BMPR2: variants seen among roughly 807,000 people sequenced by gnomAD.
BMPR2 encodes the protein bone morphogenetic protein receptor type-2.
A neutral mutation model predicts 100.8 loss-of-function variants in BMPR2; 29 were observed. The ratio of observed to expected loss-of-function variants is 0.29; its 90% CI spans 0.21 to 0.39. BMPR2 has a LOEUF of 0.39. Ranked by LOEUF, BMPR2 falls within the 10% of genes least tolerant of loss-of-function variation. The pLI is 1.00. For missense variants in BMPR2, 1,011 were observed against 1,274.5 expected (o/e 0.79, Z 3.15); for synonymous variants, 382 against 442.3 (o/e 0.86, Z 1.71).
At chr2:202,544,161 T>A (rs1273777684) in intron 10 of BMPR2, among the ~76,000 whole-genome samples, 1 of 151,970 alleles carries the variant, frequency 6.6e-6, no homozygotes. Flanking sequence ...CAAAAAAAAA[T>A]TTGAAAAGTC....
rs1474931763 is a variant in BMPR2 at position 202,564,829 on chromosome 2, G to C, written c.*4883G>C. On this transcript the variant is annotated 3_prime_UTR_variant, in exon 13 of 13. Transcript: ENST00000374580. The stretch of plus-strand genomic sequence containing the variant: ...TTGGGAGGCCGAGACGGTGGATCAC[G>C]AGGTCAGGGGACTGAGATCATCCTG... The C allele has an allele frequency of 4.6e-5, 7 of 152,148 alleles. No homozygotes were observed. Among genetic ancestry groups the C allele is most frequent in the Admixed American group, 3.9e-4 (6 of 15,268 alleles). The allele number at this position is 152,148 out of a possible 1,614,324, so 9.4% of individuals were successfully genotyped here.
intron 9 of BMPR2, among the ~76,000 whole-genome samples, chr2:202,534,749 C>A (rs1278890302): frequency 6.6e-6 from 1 of 151,728 alleles, no homozygotes; most frequent in Non-Finnish European, 1.5e-5. Flanking sequence ...CATTGTCATC[C>A]TGGCCCGTTC....
At chr2:202,538,049 G>A (rs1574497955) in intron 9 of BMPR2, among the ~76,000 whole-genome samples, 2 of 152,320 alleles carry the variant, frequency 1.3e-5, no homozygotes, top group Admixed American at 1.3e-4. Flanking sequence ...CTGAACCTGG[G>A]AGGCAGAGGT....
chr2:202,424,717 C>G (rs1017577327), intron 1 of BMPR2, among the ~76,000 whole-genome samples: 2 of 151,862 alleles, frequency 1.3e-5, no homozygotes, highest in Non-Finnish European at 2.9e-5. Context: ...TAAAAATAAG[C>G]TGTGGACCTA....
chr2:202,547,009 C>G (rs1455172629), intron 10 of BMPR2, among the ~76,000 whole-genome samples: 1 of 152,026 alleles, frequency 6.6e-6, no homozygotes, highest in Non-Finnish European at 1.5e-5. Flanking sequence ...CTCAAGCAAT[C>G]CTCCCACCTC....
chr2:202,434,007 G>A lies in BMPR2; in HGVS notation c.77-30802G>A, dbSNP rs1282610764. ...CAAGGAAAAAATTAACCTTGTTTGT[G>A]CCTTATTTGAAGGGGACAAATGATT... is the stretch of plus-strand genomic sequence containing the variant. On this transcript the variant is annotated intron_variant, in intron 1 of 12. Transcript: ENST00000374580. Among the ~76,000 whole-genome samples, 6 of 150,770 alleles carry A rather than the reference G, an allele frequency of 4.0e-5. No homozygotes were observed. The East Asian group carries it at 9.6e-4, about 24-fold the overall frequency.
At chr2:202,446,457 A>G (rs903337603) in intron 1 of BMPR2, among the ~76,000 whole-genome samples, 1 of 150,576 alleles carries the variant, frequency 6.6e-6, no homozygotes, top group Non-Finnish European at 1.5e-5. Context: ...TTAGATATGC[A>G]TAATAATTTT....
intron 1 of BMPR2, among the ~76,000 whole-genome samples, chr2:202,419,460 G>T (rs1315934922): frequency 6.6e-6 from 1 of 152,062 alleles, no homozygotes; most frequent in African/African-American, 2.4e-5. Context: ...AGGTTTAAGC[G>T]ATTCTCTTGC....
At chr2:202,377,908 A>G (rs1690186873) in intron 1 of BMPR2, among the ~76,000 whole-genome samples, 1 of 152,208 alleles carries the variant, frequency 6.6e-6, no homozygotes, top group African/African-American at 2.4e-5. Flanking sequence ...CTGGAAACAG[A>G]CCTGTAGATT....
In BMPR2 at chr2:202,377,548, C is replaced by G; in HGVS notation, c.74C>G (p.Ala25Gly). ...ACCATCCTGCTGGTCAGCACTGCGGCTGGTGAGTAGCTCCGGCCGGCACGT... is the reference window on the plus strand; with the variant it reads ...ACCATCCTGCTGGTCAGCACTGCGGGTGGTGAGTAGCTCCGGCCGGCACGT... ...PWTILLVSTA[A>G]ASQNQERLCA... The change falls in exon 1 of 13, where the codon GCT becomes GGT. Residue 25 changes from alanine (A) to glycine (G), a missense_variant and splice_region_variant. By Grantham distance (60) the Ala-to-Gly change is moderately conservative (BLOSUM62 0). Around this residue, in one of 6 missense-constraint regions of BMPR2, gnomAD observed 355 missense variants for 455.3 expected, o/e 0.78. Coordinates refer to ENST00000374580, the MANE Select transcript of BMPR2 (RefSeq NM_001204.7). 6.2e-7 allele frequency: 1 copy of G among 1,614,146 alleles called. No individual in the cohort carries two copies. Among genetic ancestry groups the G allele is most frequent in the Non-Finnish European group, 8.5e-7 (1 of 1,180,018 alleles).
At chr2:202,419,736 T>A (rs1198960188) in intron 1 of BMPR2, among the ~76,000 whole-genome samples, 1 of 152,216 alleles carries the variant, frequency 6.6e-6, no homozygotes, top group African/African-American at 2.4e-5. Context: ...ATCTTAAATG[T>A]TTAGAGTGTC....
At chr2:202,437,197 G>T (rs1028017621) in intron 1 of BMPR2, among the ~76,000 whole-genome samples, 1 of 150,054 alleles carries the variant, frequency 6.7e-6, no homozygotes, top group African/African-American at 2.5e-5. Flanking sequence ...GTAGAGATGG[G>T]GTTTCACCAT....
At position 202,490,962 on chromosome 2, in the gene BMPR2, T is replaced by G. The variant is rs116078573; in HGVS notation, c.419-22757T>G. On this transcript the variant is annotated intron_variant, in intron 3 of 12. Transcript: ENST00000374580. Reference sequence around the variant, plus strand: ...GTTTTTTGTTTTTGGAGACAGAGTCTTCTTCTTGCCCAGGCTGGAGTGCAG... The same window carrying G: ...GTTTTTTGTTTTTGGAGACAGAGTCGTCTTCTTGCCCAGGCTGGAGTGCAG... Among the ~76,000 whole-genome samples the G allele has an allele frequency of 3.9e-3, 587 of 152,276 alleles. 4 individuals carry two copies. Among genetic ancestry groups the G allele is most frequent in the African/African-American group, 0.013 (546 of 41,546 alleles).
At chr2:202,530,332 C>T (rs1225374352) in intron 7 of BMPR2, among the ~76,000 whole-genome samples, 1 of 152,006 alleles carries the variant, frequency 6.6e-6, no homozygotes, top group Non-Finnish European at 1.5e-5. Flanking sequence ...AACCTCAGGG[C>T]AGAACTGGAA....
rs1198723816 is a variant in BMPR2 at position 202,532,597 on chromosome 2, A to C, written c.1141A>C (p.Arg381=). ...TCTAATTTATCAGGTTGGCACTATC[A>C]GATATATGGCACCAGAAGTGCTAGA... ...NAAISEVGTI[R]YMAPEVLEGA... is the part of the protein sequence containing the mutation. The change falls in exon 9 of 13, where the codon AGA becomes CGA. Residue 381 remains arginine, a synonymous_variant. Coordinates refer to ENST00000374580, the MANE Select transcript of BMPR2 (RefSeq NM_001204.7). This position sits in a 1 kb window ranked among gnomAD's most constrained non-coding sequence, Gnocchi z 4.1. The C allele has an allele frequency of 6.2e-7, 1 of 1,613,998 alleles. No homozygotes were observed. Among genetic ancestry groups the C allele is most frequent in the East Asian group, 2.2e-5 (1 of 44,832 alleles).
chr2:202,499,098 C>T (rs528686458), intron 3 of BMPR2, among the ~76,000 whole-genome samples: 1 of 152,270 alleles, frequency 6.6e-6, no homozygotes, highest in East Asian at 1.9e-4. Context: ...CCCCTTCAAG[C>T]TGTAGGGGGA....
At chr2:202,551,196 G>A (rs1688470669) in intron 10 of BMPR2, among the ~76,000 whole-genome samples, 2 of 151,706 alleles carry the variant, frequency 1.3e-5, no homozygotes, top group South Asian at 2.1e-4. Flanking sequence ...AACAAACCTA[G>A]TCTGTTTTTA....
At chr2:202,448,974 T>A (rs1024093851) in intron 1 of BMPR2, among the ~76,000 whole-genome samples, 5 of 151,178 alleles carry the variant, frequency 3.3e-5, no homozygotes, top group African/African-American at 1.2e-4. Context: ...TTTTTTGTTT[T>A]AATCAGCTTT....
Position 202,555,440 on chromosome 2 carries a change from A to G in BMPR2, c.1775A>G (p.Gln592Arg). The stretch of plus-strand genomic sequence containing the variant: ...CGAAATTCAATTAACTATGAACGAC[A>G]GCAAGCACAAGCTCGAATCCCCAGC... ...KNRNSINYER[Q>R]QAQARIPSPE... The change falls in exon 12 of 13, where the codon CAG becomes CGG. Residue 592 changes from glutamine to arginine, a missense_variant. Transcript: ENST00000374580. 1 of 1,614,232 alleles carries G rather than the reference A, an allele frequency of 6.2e-7. No individual in the cohort carries two copies. Among genetic ancestry groups the G allele is most frequent in the Non-Finnish European group, 8.5e-7 (1 of 1,180,044 alleles).
Sources: gnomAD v4.1 joint callset for allele counts (sites outside exome capture counted in the v4.1 genomes callset) on GRCh38, gnomAD v4.1.1 for gene constraint, gnomAD v4.1.1 regional missense constraint, Gnocchi (gnomAD v3.1) non-coding constraint, MANE v1.5 for transcripts, NCBI Gene and HGNC (gene_info 2026-07-23, HGNC 2026-07-21) for gene names.